The following HIBCH variants were observed in gnomAD, a reference collection of about 807,000 sequenced individuals.
HIBCH encodes the protein 3-hydroxyisobutyryl-CoA hydrolase, mitochondrial.
HIBCH carries 50 observed loss-of-function variants against 58.2 expected under a neutral mutation model. That is an observed-to-expected ratio of 0.86 (90% CI 0.68 to 1.09). The LOEUF (loss-of-function observed/expected upper bound fraction) is 1.09. Among genes scored for constraint, HIBCH ranks in the 50% least tolerant of loss-of-function variants. The pLI, the probability that HIBCH is intolerant of heterozygous loss-of-function variation, is 0.00. For synonymous variants in HIBCH, 151 were observed against 146.9 expected (o/e 1.03, Z -0.20); for missense variants, 450 against 449.7 (o/e 1.00, Z -0.01).
chr2:190,310,625 C>G (rs929245397), intron 2 of HIBCH, 129 bp downstream of exon 2: 1 of 792,796 alleles, frequency 1.3e-6, no homozygotes, highest in Non-Finnish European at 2.3e-6. Flanking sequence ...TGTCTTGACA[C>G]TCAGTTGAGA....
At chr2:190,273,286 G>A (rs1043883454) in intron 6 of HIBCH, among the ~76,000 whole-genome samples, 10 of 152,114 alleles carry the variant, frequency 6.6e-5, no homozygotes, top group Non-Finnish European at 1.0e-4. Flanking sequence ...CTAGCTACTC[G>A]GGAGGCTGAG....
At position 190,205,021 on chromosome 2, in the gene HIBCH, T is replaced by C. The variant is rs1482953074; in HGVS notation, c.*96A>G. On this transcript the variant is annotated 3_prime_UTR_variant, in exon 14 of 14. Transcript: ENST00000359678. ...AAAAATGCGGAAACCATTCTTAGCT[T>C]ACAGGGTATATAAAAACAGGCAGCA... The C allele has an allele frequency of 6.9e-6, 5 of 722,936 alleles. No individual in the cohort carries two copies. Among genetic ancestry groups the C allele is most frequent in the Non-Finnish European group, 1.3e-5 (5 of 391,954 alleles). 44.8% of individuals were successfully genotyped at this position (722,936 alleles called of 1,614,324 possible).
At chr2:190,268,739 G>A (rs918948702) in intron 6 of HIBCH, among the ~76,000 whole-genome samples, 4 of 152,154 alleles carry the variant, frequency 2.6e-5, no homozygotes, top group African/African-American at 9.7e-5. Context: ...TAGACAAAAA[G>A]CAATTTTTTT....
chr2:190,230,825 C>T (rs1686073954), intron 11 of HIBCH, among the ~76,000 whole-genome samples: 1 of 152,132 alleles, frequency 6.6e-6, no homozygotes, highest in Non-Finnish European at 1.5e-5. Context: ...AAACAGGAAA[C>T]CTTTCCTACT....
Position 190,206,744 on chromosome 2 carries a change from A to G in HIBCH, c.1046-1512T>C, listed in dbSNP as rs189630558. Among the ~76,000 whole-genome samples, 952 of 152,364 alleles carry G rather than the reference A, an allele frequency of 6.2e-3. 9 individuals are homozygous for G. The highest frequency in any genetic ancestry group is 0.022 in the African/African-American group (904 of 41,578). On this transcript the variant is annotated intron_variant, in intron 13 of 13. Coordinates refer to ENST00000359678, the MANE Select transcript of HIBCH (RefSeq NM_014362.4). This position sits in a 1 kb window ranked among gnomAD's most constrained non-coding sequence, Gnocchi z 5.1. The stretch of plus-strand genomic sequence containing the variant: ...TTATTATTAGCAAACTGCAGCAAAC[A>G]TTTGACTATGTAAAGAACACAACAG...
At chr2:190,262,161 G>GAAA (rs1553501944) in intron 6 of HIBCH, among the ~76,000 whole-genome samples, 12 of 99,908 alleles carry the variant, frequency 1.2e-4, no homozygotes, top group South Asian at 3.0e-4. Context: ...ATGCGGTAGA[G>GAAA]ACAAAAAAAA....
downstream of HIBCH, chr2:190,202,491 G>C (rs1468392014): frequency 1.2e-5 from 2 of 167,076 alleles, no homozygotes; most frequent in African/African-American, 4.8e-5. Flanking sequence ...TACATTACAT[G>C]TGATAGTTAT....
At chr2:190,195,566 G>A (rs1331420192) in intron 1 of HIBCH, among the ~76,000 whole-genome samples, 1 of 152,218 alleles carries the variant, frequency 6.6e-6, no homozygotes, top group Non-Finnish European at 1.5e-5. Context: ...AGACTTCCGT[G>A]AGGTGTCTGT....
intron 6 of HIBCH, among the ~76,000 whole-genome samples, chr2:190,276,378 T>C (rs1021927387): frequency 1.3e-5 from 2 of 152,194 alleles, no homozygotes; most frequent in African/African-American, 4.8e-5. Context: ...TTTGGCTCCT[T>C]CTTACTCCTT....
rs1685590593 is a variant in HIBCH at position 190,217,482 on chromosome 2, TAAAAC to T, written c.892-4412_892-4408del. Among the ~76,000 whole-genome samples the T allele has an allele frequency of 6.6e-6, 1 of 152,072 alleles. No individual in the cohort carries two copies. ...TGGGCGACAGAACGAGATTCTGTCTTAAAACAAAAAAACAGACTACTGGAAAAAGA... is the reference window on the plus strand; with the variant it reads ...TGGGCGACAGAACGAGATTCTGTCTTAAAAAAACAGACTACTGGAAAAAGA... On this transcript the variant is annotated intron_variant, in intron 11 of 13. Transcript: ENST00000359678. The surrounding 1 kb of genome is among the most constrained non-coding windows in gnomAD (Gnocchi z 4.6).
At chr2:190,244,720 C>CA (rs752184321) in intron 11 of HIBCH, among the ~76,000 whole-genome samples, 167 bp downstream of exon 11, 15 of 152,148 alleles carry the variant, frequency 9.9e-5, no homozygotes, top group Admixed American at 2.0e-4. Flanking sequence ...GGATTTAGGT[C>CA]AGGGTTAGTG....
chr2:190,239,647 G>GGT (rs1559028112), intron 11 of HIBCH, among the ~76,000 whole-genome samples: 4 of 127,546 alleles, frequency 3.1e-5, no homozygotes, highest in Non-Finnish European at 3.3e-5. Flanking sequence ...GTGGTTTGTA[G>GGT]TTTTTTTTTT....
Position 190,296,797 on chromosome 2 carries a change from T to C in HIBCH, c.219+16A>G, listed in dbSNP as rs2105992508. The C allele has an allele frequency of 1.2e-6, 2 of 1,605,832 alleles. No individual in the cohort carries two copies. Among genetic ancestry groups the C allele is most frequent in the Non-Finnish European group, 1.7e-6 (2 of 1,172,522 alleles). On this transcript the variant is annotated intron_variant, in intron 3 of 13. Transcript: ENST00000359678. ...TTGAAAAGAATCCATATAATTGCAA[T>C]AAGAAAATTACAAACCTTTAGCTGT...
In HIBCH at chr2:190,211,497, T is replaced by C. The variant is rs1690511424; in HGVS notation, c.1011+1459A>G. On this transcript the variant is annotated intron_variant, in intron 12 of 13. Transcript: ENST00000359678. The surrounding 1 kb of genome is among the most constrained non-coding windows in gnomAD (Gnocchi z 5.0). ...GCAACAATTTCCTTCTTAAAGCAAA[T>C]TGAACCGAATGAAATGAAAAATCAA... Among the ~76,000 whole-genome samples the C allele has an allele frequency of 6.6e-6, 1 of 152,154 alleles. No homozygotes were observed. Among genetic ancestry groups the C allele is most frequent in the African/African-American group, 2.4e-5 (1 of 41,450 alleles).
At position 190,204,949 on chromosome 2, in the gene HIBCH, T is replaced by C; in HGVS notation, c.*168A>G. The stretch of plus-strand genomic sequence containing the variant: ...AGCTTTATTTGTGAATTCTGATAAT[T>C]TTCACGTCATGAATTATTAGTCTTT... On this transcript the variant is annotated 3_prime_UTR_variant, in exon 14 of 14. Transcript: ENST00000359678. 1 of 628,534 alleles carries C rather than the reference T, an allele frequency of 1.6e-6. No individual in the cohort carries two copies. The allele number at this position is 628,534 out of a possible 1,614,324, so 38.9% of individuals were successfully genotyped here.
chr2:190,290,329 G>A (rs1291903991), intron 5 of HIBCH, 76 bp downstream of exon 5: 32 of 1,000,610 alleles, frequency 3.2e-5, no homozygotes, highest in Non-Finnish European at 3.8e-5. Context: ...CCTATTGATT[G>A]CATTTTTAAC....
chr2:190,239,652 T>TTTTTTTTGTTTTTTTTGA (rs1553498929), intron 11 of HIBCH, among the ~76,000 whole-genome samples: 9 of 149,596 alleles, frequency 6.0e-5, no homozygotes, highest in African/African-American at 2.2e-4. Flanking sequence ...TTGTAGTTTT[T>TTTTTTTTGTTTTTTTTGA]TTTTTTTTTT....
chr2:190,221,329 C>A (rs1395209922), intron 11 of HIBCH, among the ~76,000 whole-genome samples: 1 of 152,160 alleles, frequency 6.6e-6, no homozygotes, highest in Non-Finnish European at 1.5e-5. Flanking sequence ...GTAAAACAGG[C>A]ATAATAATAC....
At chr2:190,284,436 C>T (rs984062807) in intron 6 of HIBCH, among the ~76,000 whole-genome samples, 1 of 152,192 alleles carries the variant, frequency 6.6e-6, no homozygotes, top group African/African-American at 2.4e-5. Context: ...CTTACCAATC[C>T]TTTCATATCA....
Sources: allele counts gnomAD v4.1 joint callset (sites outside exome capture counted in the v4.1 genomes callset), GRCh38; gene constraint gnomAD v4.1.1; non-coding constraint Gnocchi (gnomAD v3.1); transcripts MANE v1.5; gene names NCBI Gene and HGNC (gene_info 2026-07-23, HGNC 2026-07-21).